The following ASXL1 variants were observed in gnomAD, a reference collection of about 807,000 sequenced individuals.
ASXL1 encodes the protein polycomb group protein ASXL1.
A neutral mutation model predicts 89.1 loss-of-function variants in ASXL1; 65 were observed. The observed-to-expected ratio is 0.73, with a 90% CI of 0.60 to 0.90. The LOEUF (loss-of-function observed/expected upper bound fraction) is 0.90. Ranked by LOEUF, ASXL1 falls within the 40% of genes least tolerant of loss-of-function variation. The probability of loss-of-function intolerance (pLI) is 0.00; values close to 1 mark genes in which losing one functional copy is unlikely to be tolerated. For synonymous variants in ASXL1, 739 were observed against 746.9 expected, an observed-to-expected ratio of 0.99 and a Z score of 0.17; for missense variants, 1,786 against 1,942.9, an observed-to-expected ratio of 0.92 and a Z score of 1.52.
Position 32,369,025 on chromosome 20 carries a change from C to G in ASXL1, c.154C>G (p.Pro52Ala), listed in dbSNP as rs1190203873. The G allele has an allele frequency of 2.5e-6, 4 of 1,613,248 alleles. No individual in the cohort carries two copies. Among genetic ancestry groups the G allele is most frequent in the Non-Finnish European group, 3.4e-6 (4 of 1,179,362 alleles). Reference sequence around the variant, plus strand: ...TTTGTGGTTTTACAGTGGGACTTCCCCTCTCGCATGCCTCAATGCTATGCT... The same window carrying G: ...TTTGTGGTTTTACAGTGGGACTTCCGCTCTCGCATGCCTCAATGCTATGCT... The part of the protein sequence containing the change: ...GLKEMRSGTS[P>A]LACLNAMLHS... Residue 52 changes from proline to alanine, a missense_variant, in exon 4 of 13, where the codon CCT becomes GCT. Transcript: ENST00000375687.
intron 1 of ASXL1, among the ~76,000 whole-genome samples, chr20:32,364,007 C>G (rs1011032890): frequency 6.6e-6 from 1 of 152,180 alleles, no homozygotes; most frequent in Non-Finnish European, 1.5e-5. Flanking sequence ...TGTCTCTAAT[C>G]TGTCCAACAA....
chr20:32,412,100 A>G (rs1399644736), intron 4 of ASXL1, among the ~76,000 whole-genome samples: 1 of 152,110 alleles, frequency 6.6e-6, no homozygotes, highest in Non-Finnish European at 1.5e-5. Context: ...AGCTTAGAAT[A>G]GTATGCATGT....
intron 4 of ASXL1, among the ~76,000 whole-genome samples, chr20:32,405,531 C>G (rs1401186463): frequency 2.6e-5 from 4 of 152,154 alleles, no homozygotes; most frequent in African/African-American, 9.7e-5. Flanking sequence ...TAAAGTTTAG[C>G]TAATTGTCCA....
chr20:32,398,235 T>C (rs1206207746), intron 4 of ASXL1, among the ~76,000 whole-genome samples: 1 of 152,164 alleles, frequency 6.6e-6, no homozygotes, highest in Admixed American at 6.5e-5. Flanking sequence ...TTATATATAT[T>C]TTCTGAGATG....
At chr20:32,365,548 G>A (rs2048190081) in intron 1 of ASXL1, among the ~76,000 whole-genome samples, 1 of 152,076 alleles carries the variant, frequency 6.6e-6, no homozygotes, top group African/African-American at 2.4e-5. Context: ...AGCTTGATTT[G>A]GAGTACCCTG....
chr20:32,380,868 A>G (rs1335591546), intron 4 of ASXL1, among the ~76,000 whole-genome samples: 3 of 152,220 alleles, frequency 2.0e-5, no homozygotes, highest in Admixed American at 6.5e-5. Flanking sequence ...TTTGAAAGGC[A>G]TTTTTGACTT....
intron 4 of ASXL1, among the ~76,000 whole-genome samples, chr20:32,408,566 T>G (rs2048993775): frequency 6.6e-6 from 1 of 152,178 alleles, no homozygotes; most frequent in Non-Finnish European, 1.5e-5. Flanking sequence ...TTTTCTTTCT[T>G]TTTTAGAGAC....
intron 4 of ASXL1, among the ~76,000 whole-genome samples, chr20:32,384,359 T>C (rs541214060): frequency 6.6e-6 from 1 of 152,164 alleles, no homozygotes; most frequent in Admixed American, 6.6e-5. Context: ...TGTGCCACCA[T>C]GCCCGGCTAA....
intron 4 of ASXL1, among the ~76,000 whole-genome samples, chr20:32,398,603 GT>G (rs375341392): frequency 4.0e-5 from 5 of 126,456 alleles, no homozygotes; most frequent in African/African-American, 9.5e-5. Context: ...TTTTTTGTTT[GT>G]TTTTTTTTTT....
In ASXL1 at chr20:32,434,408, T is replaced by C. The variant is rs756065731; in HGVS notation, c.1720-24T>C. ...GTCAGATCACCCAGTCAGTTAAAAC[T>C]ATTTTCTAATTCTTTTTTTGCAGAT... is the stretch of plus-strand genomic sequence containing the variant. On this transcript the variant is annotated intron_variant, in intron 12 of 12. Transcript: ENST00000375687. 5 of 1,613,462 alleles carry C rather than the reference T, an allele frequency of 3.1e-6. No individual in the cohort carries two copies. In the South Asian group the frequency reaches 3.3e-5, roughly 11 times the overall value.
chr20:32,431,409 C>G lies in ASXL1; in HGVS notation c.807C>G (p.Asn269Lys). The change falls in exon 9 of 13, where the codon AAC becomes AAG. Residue 269 changes from asparagine to lysine, a missense_variant. Transcript: ENST00000375687. ...ACACCAACCTCCGTGCCCTGATCAA[C>G]TCTCGGACCTTCCATGCCTTACCAT... Reference protein sequence around the residue: ...LVNTNLRALINSRTFHALPSH... With the variant: ...LVNTNLRALIKSRTFHALPSH... The G allele has an allele frequency of 1.2e-6, 2 of 1,614,226 alleles. No individual in the cohort carries two copies. Among genetic ancestry groups the G allele is most frequent in the Non-Finnish European group, 1.7e-6 (2 of 1,180,032 alleles).
intron 4 of ASXL1, among the ~76,000 whole-genome samples, chr20:32,378,008 G>A (rs1286109412): frequency 1.5e-5 from 2 of 135,522 alleles, no homozygotes; most frequent in Admixed American, 7.4e-5. Flanking sequence ...GTGTGTTTTG[G>A]AGACAGAGTC....
At chr20:32,392,704 T>C (rs555761255) in intron 4 of ASXL1, among the ~76,000 whole-genome samples, 2 of 152,132 alleles carry the variant, frequency 1.3e-5, no homozygotes, top group South Asian at 4.1e-4. Flanking sequence ...GCTTAAAATA[T>C]CTAATTTTTC....
chr20:32,388,303 T>C (rs2048614808), intron 4 of ASXL1, among the ~76,000 whole-genome samples: 1 of 152,142 alleles, frequency 6.6e-6, no homozygotes, highest in Admixed American at 6.5e-5. Context: ...GCCTCCCGAG[T>C]AGCTGGGGCT....
intron 4 of ASXL1, among the ~76,000 whole-genome samples, chr20:32,375,538 T>A (rs1233146730): frequency 6.6e-6 from 1 of 152,160 alleles, no homozygotes; most frequent in South Asian, 2.1e-4. Context: ...TTGATATGAT[T>A]GTGTATAATA....
chr20:32,379,741 A>T (rs2048454582), intron 4 of ASXL1, among the ~76,000 whole-genome samples: 1 of 150,804 alleles, frequency 6.6e-6, no homozygotes, highest in Non-Finnish European at 1.5e-5. Context: ...CAGGAGAATC[A>T]CTTGAACCCG....
At position 32,436,621 on chromosome 20, in the gene ASXL1, GC is replaced by G; in HGVS notation, c.3910del (p.Leu1304PhefsTer146). ...GCAATGTTACAGGCCAAGGGAAGAA[GC>G]TTTTTGGCTCTGGGAATGTGGCTGC... is the stretch of plus-strand genomic sequence containing the variant. ...QSNVTGQGKK[L>X]FGSGNVAATL... is the part of the protein sequence containing the mutation. On this transcript the variant is annotated frameshift_variant, in exon 13 of 13. Coordinates refer to ENST00000375687, the MANE Select transcript of ASXL1 (RefSeq NM_015338.6). LOFTEE classifies it high-confidence loss of function. The G allele has an allele frequency of 6.2e-7, 1 of 1,614,190 alleles. No homozygotes were observed. The highest frequency in any genetic ancestry group is 8.5e-7 in the Non-Finnish European group (1 of 1,180,046).
Position 32,358,808 on chromosome 20 carries a change from C to T in ASXL1, c.33C>T (p.Arg11=). Residue 11 remains arginine (R), a synonymous_variant, in exon 1 of 13, where the codon CGC becomes CGT. Coordinates refer to ENST00000375687, the MANE Select transcript of ASXL1 (RefSeq NM_015338.6). The stretch of plus-strand genomic sequence containing the variant: ...ACAAACAGAAGAAGAAGAAGGAGCG[C>T]ACGTGGGCCGAGGCCGCGCGCCTGG... MKDKQKKKKE[R]TWAEAARLVL... 6.6e-7 allele frequency: 1 copy of T among 1,508,898 alleles called. No individual in the cohort carries two copies. 93.5% of individuals were successfully genotyped at this position (1,508,898 alleles called of 1,614,324 possible).
intron 4 of ASXL1, among the ~76,000 whole-genome samples, chr20:32,423,225 T>A (rs1274919959): frequency 6.6e-6 from 1 of 150,434 alleles, no homozygotes; most frequent in East Asian, 2.0e-4. Context: ...GGAGTTTGAT[T>A]TTTTTTTTTA....
Sources: gnomAD v4.1 joint callset for allele counts (sites outside exome capture counted in the v4.1 genomes callset) on GRCh38, gnomAD v4.1.1 for gene constraint, MANE v1.5 for transcripts, NCBI Gene and HGNC (gene_info 2026-07-23, HGNC 2026-07-21) for gene names.